CSMD3: variants seen among roughly 807,000 people sequenced by gnomAD.
CSMD3 encodes CUB and sushi domain-containing protein 3.
In CSMD3, 177 loss-of-function variants were observed where a neutral mutation model predicts 435.2. That is an observed-to-expected ratio of 0.41 (90% CI 0.36 to 0.46). The LOEUF (loss-of-function observed/expected upper bound fraction) is 0.46, where lower values mean the gene tolerates loss of function less well. CSMD3 is among the 20% of genes least tolerant of loss of function. The pLI is 0.34. For synonymous variants in CSMD3, 1,656 were observed against 1,520.5 expected, an observed-to-expected ratio of 1.09 and a Z score of -2.07; for missense variants, 4,265 against 4,504.6, an observed-to-expected ratio of 0.95 and a Z score of 1.52.
intron 3 of CSMD3, among the ~76,000 whole-genome samples, chr8:113,203,607 A>C (rs2092737506): frequency 6.6e-6 from 1 of 151,922 alleles, no homozygotes; most frequent in Admixed American, 6.6e-5. Context: ...TTAAATATAT[A>C]ATTAAAATAT....
intron 1 of CSMD3, among the ~76,000 whole-genome samples, chr8:113,352,330 C>G (rs2094195518): frequency 6.6e-6 from 1 of 152,014 alleles, no homozygotes; most frequent in Non-Finnish European, 1.5e-5. Flanking sequence ...AGGGTAGAGA[C>G]TGGTATTATT....
At chr8:113,365,311 T>G (rs1278872719) in intron 1 of CSMD3, among the ~76,000 whole-genome samples, 5 of 152,076 alleles carry the variant, frequency 3.3e-5, no homozygotes. Context: ...AAAGTTACCT[T>G]AAACATAACT....
At chr8:112,929,430 T>G (rs1261460873) in intron 9 of CSMD3, among the ~76,000 whole-genome samples, 1 of 152,066 alleles carries the variant, frequency 6.6e-6, no homozygotes, top group Non-Finnish European at 1.5e-5. Context: ...AGTACAACTA[T>G]TAAAAATGTG....
intron 1 of CSMD3, among the ~76,000 whole-genome samples, chr8:113,388,798 C>T (rs28661463): frequency 1 from 151,604 of 151,662 alleles, 75,774 homozygotes; most frequent in Middle Eastern, 1. Flanking sequence ...TTTAGCTTTA[C>T]TGATTTCTAT....
At chr8:113,431,352 A>C (rs543132223) in intron 1 of CSMD3, among the ~76,000 whole-genome samples, 1 of 152,336 alleles carries the variant, frequency 6.6e-6, no homozygotes, top group South Asian at 2.1e-4. Flanking sequence ...ATGTAAATAA[A>C]CTAAAGTGTT....
intron 4 of CSMD3, among the ~76,000 whole-genome samples, chr8:113,133,457 T>A (rs2131694598): frequency 6.6e-6 from 1 of 152,132 alleles, no homozygotes; most frequent in Non-Finnish European, 1.5e-5. Context: ...GTGGAATAAA[T>A]CAGAACCCTG....
intron 13 of CSMD3, among the ~76,000 whole-genome samples, chr8:112,799,487 T>C (rs1421386838): frequency 2.6e-5 from 4 of 152,000 alleles, no homozygotes; most frequent in African/African-American, 9.7e-5. Context: ...ATTGAGCTTA[T>C]TAGTAATTTT....
At chr8:113,202,983 G>A (rs529839771) in intron 3 of CSMD3, among the ~76,000 whole-genome samples, 85 of 152,148 alleles carry the variant, frequency 5.6e-4, no homozygotes, top group Middle Eastern at 6.8e-3. Context: ...ATAAGATTTC[G>A]CTGGTGACTC....
intron 13 of CSMD3, among the ~76,000 whole-genome samples, chr8:112,784,995 T>C (rs1049028601): frequency 1.6e-4 from 25 of 152,004 alleles, no homozygotes; most frequent in African/African-American, 5.3e-4. Context: ...TTGATGAACA[T>C]TGATGTAAAA....
At chr8:112,536,315 C>T (rs1195740378) in intron 27 of CSMD3, among the ~76,000 whole-genome samples, 1 of 152,068 alleles carries the variant, frequency 6.6e-6, no homozygotes, top group Non-Finnish European at 1.5e-5. Flanking sequence ...TGAACTCAAA[C>T]AAATTTACAA....
intron 5 of CSMD3, among the ~76,000 whole-genome samples, chr8:113,072,242 T>C (rs1317867014): frequency 1.3e-5 from 2 of 151,850 alleles, no homozygotes; most frequent in Admixed American, 6.6e-5. Context: ...AATCATATCA[T>C]CTAAAGCATT....
intron 3 of CSMD3, among the ~76,000 whole-genome samples, chr8:113,195,147 T>A: frequency 6.6e-6 from 1 of 151,158 alleles, no homozygotes; most frequent in South Asian, 2.1e-4. Context: ...ATTGAGCTAT[T>A]TTTTTCCTTT....
intron 16 of CSMD3, among the ~76,000 whole-genome samples, chr8:112,679,091 T>G (rs1217780569): frequency 6.7e-6 from 1 of 149,886 alleles, no homozygotes; most frequent in Admixed American, 6.6e-5. Flanking sequence ...GCAGGTTTTT[T>G]TTTTTTTTTT....
intron 38 of CSMD3, among the ~76,000 whole-genome samples, chr8:112,376,901 C>T (rs1331956294): frequency 6.6e-6 from 1 of 152,090 alleles, no homozygotes; most frequent in Non-Finnish European, 1.5e-5. Context: ...CTGGAGTTTG[C>T]ATTTTAAGTA....
chr8:112,966,139 A>G (rs541271974), intron 7 of CSMD3, among the ~76,000 whole-genome samples: 1 of 151,900 alleles, frequency 6.6e-6, no homozygotes, highest in East Asian at 1.9e-4. Flanking sequence ...TATTTTTTGT[A>G]TTCACTTTAC....
intron 63 of CSMD3, among the ~76,000 whole-genome samples, chr8:112,253,569 A>C (rs1307447532): frequency 6.6e-6 from 1 of 151,988 alleles, no homozygotes; most frequent in African/African-American, 2.4e-5. Flanking sequence ...GTAATGTGTA[A>C]ATTGGCTACT....
At chr8:112,719,986 ATCTT>A (rs1193045170) in intron 13 of CSMD3, among the ~76,000 whole-genome samples, 2 of 152,180 alleles carry the variant, frequency 1.3e-5, no homozygotes, top group African/African-American at 2.4e-5. Flanking sequence ...CGAAGAACCT[ATCTT>A]TCTCACCTTT....
chr8:112,725,105 A>G (rs1398074753), intron 13 of CSMD3, among the ~76,000 whole-genome samples: 2 of 152,062 alleles, frequency 1.3e-5, no homozygotes, highest in East Asian at 3.9e-4. Flanking sequence ...AGCAAAGAGA[A>G]GCAAAAAATA....
chr8:112,803,321 G>C (rs1467278876), intron 12 of CSMD3, among the ~76,000 whole-genome samples: 1 of 152,034 alleles, frequency 6.6e-6, no homozygotes, highest in African/African-American at 2.4e-5. Context: ...AGTTCTCCTA[G>C]TTAGTGTATT....
Sources: allele counts gnomAD v4.1 joint callset (sites outside exome capture counted in the v4.1 genomes callset), GRCh38; gene constraint gnomAD v4.1.1; transcripts MANE v1.5; gene names NCBI Gene and HGNC (gene_info 2026-07-23, HGNC 2026-07-21).